Variants in PCSK2 observed in about 807,000 individuals in gnomAD.
PCSK2 encodes the protein proprotein convertase subtilisin/kexin type 2, also known as neuroendocrine convertase 2.
Under a neutral mutation model 69.7 loss-of-function variants are expected in PCSK2, and 14 were observed. The ratio of observed to expected loss-of-function variants is 0.20; its 90% CI spans 0.13 to 0.31. The LOEUF is 0.31. Among genes scored for constraint, PCSK2 ranks in the 10% least tolerant of loss-of-function variants. The pLI is 1.00. For missense variants in PCSK2, 544 were observed against 842.5 expected (o/e 0.65, Z 4.39); for synonymous variants, 307 against 320.7 (o/e 0.96, Z 0.46).
At chr20:17,284,240 G>A (rs1988433950) in intron 2 of PCSK2, among the ~76,000 whole-genome samples, 1 of 152,202 alleles carries the variant, frequency 6.6e-6, no homozygotes, top group Non-Finnish European at 1.5e-5. Flanking sequence ...TCAAAGAGTA[G>A]CAGTCACATC....
intron 1 of PCSK2, among the ~76,000 whole-genome samples, chr20:17,233,121 T>C (rs566312459): frequency 2.0e-5 from 3 of 152,264 alleles, no homozygotes; most frequent in Non-Finnish European, 2.9e-5. Flanking sequence ...ACACCTCTTG[T>C]GGCTGAAGAA....
intron 2 of PCSK2, among the ~76,000 whole-genome samples, chr20:17,295,347 GT>G (rs2123074898): frequency 6.6e-6 from 1 of 152,058 alleles, no homozygotes; most frequent in Non-Finnish European, 1.5e-5. Context: ...AACCCAGACA[GT>G]CTGATTCAGA....
chr20:17,313,403 G>C (rs1346618253), intron 2 of PCSK2, among the ~76,000 whole-genome samples: 4 of 151,868 alleles, frequency 2.6e-5, no homozygotes, highest in South Asian at 4.2e-4. Flanking sequence ...TGCTGCTCCT[G>C]ACCTCCATCA....
At chr20:17,248,850 T>C (rs1245829508) in intron 1 of PCSK2, among the ~76,000 whole-genome samples, 1 of 152,140 alleles carries the variant, frequency 6.6e-6, no homozygotes, top group East Asian at 1.9e-4. Context: ...TTCCTAGTCA[T>C]GGTTACAAAG....
chr20:17,437,234 G>A (rs1404065701), intron 8 of PCSK2, among the ~76,000 whole-genome samples: 1 of 152,216 alleles, frequency 6.6e-6, no homozygotes, highest in Non-Finnish European at 1.5e-5. Flanking sequence ...CCACTCAGTC[G>A]TTGGCTGGCA....
chr20:17,385,139 A>G (rs949326751), intron 5 of PCSK2, among the ~76,000 whole-genome samples: 5 of 152,184 alleles, frequency 3.3e-5, no homozygotes, highest in Non-Finnish European at 7.3e-5. Context: ...AGTAGTTGTG[A>G]CAAAGTCCAT....
At chr20:17,429,327 T>C (rs145689606) in intron 6 of PCSK2, 108 bp from the exon 7 acceptor site, 8,724 of 785,630 alleles carry the variant, frequency 0.011, 75 homozygotes, top group South Asian at 0.018. Context: ...TTTACTTGTA[T>C]ATGATACGCA....
chr20:17,275,675 A>C (rs374905294), intron 2 of PCSK2, among the ~76,000 whole-genome samples: 4 of 152,272 alleles, frequency 2.6e-5, no homozygotes, highest in African/African-American at 7.2e-5. Context: ...TAAATAGGAA[A>C]TACATTGGAT....
At chr20:17,400,534 C>A (rs6131943) in intron 5 of PCSK2, among the ~76,000 whole-genome samples, 2 of 151,920 alleles carry the variant, frequency 1.3e-5, no homozygotes, top group East Asian at 3.9e-4. Context: ...ATACAAAATA[C>A]GCACTCCATA....
chr20:17,374,734 C>A (rs755545395), intron 5 of PCSK2, among the ~76,000 whole-genome samples: 1 of 152,102 alleles, frequency 6.6e-6, no homozygotes, highest in African/African-American at 2.4e-5. Context: ...CAGTGTGGAC[C>A]GAGTGGGCCT....
chr20:17,460,285 G>T (rs4306770), intron 10 of PCSK2, among the ~76,000 whole-genome samples: 1 of 152,128 alleles, frequency 6.6e-6, no homozygotes, highest in Non-Finnish European at 1.5e-5. Context: ...AAGAAAGAAA[G>T]AAAAGAAAGA....
In PCSK2 at chr20:17,431,681, C is replaced by T. The variant is rs77552849; in HGVS notation, c.709+2158C>T. ...GGGCTGCGAGGCTCCAGTCCCATGC[C>T]TGTGCCTTAGGGAACCCAGTGTCCT... is the stretch of plus-strand genomic sequence containing the variant. On this transcript the variant is annotated intron_variant, in intron 7 of 11. Transcript: ENST00000262545. Among the ~76,000 whole-genome samples the T allele has an allele frequency of 4.5e-3, 687 of 152,342 alleles. 17 individuals carry two copies. Among genetic ancestry groups the T allele is most frequent in the East Asian group, 0.033 (172 of 5,192 alleles).
intron 2 of PCSK2, among the ~76,000 whole-genome samples, chr20:17,337,928 C>CAAA (rs3076245): frequency 7.4e-4 from 96 of 129,832 alleles, no homozygotes; most frequent in South Asian, 3.4e-3. Context: ...AAACCCATCT[C>CAAA]AAAAAAAAAA....
chr20:17,470,140 C>T (rs2033175814), intron 11 of PCSK2, among the ~76,000 whole-genome samples: 2 of 152,328 alleles, frequency 1.3e-5, no homozygotes, highest in South Asian at 4.1e-4. Flanking sequence ...GCGTTGACAA[C>T]TGTTTCCCTT....
intron 1 of PCSK2, among the ~76,000 whole-genome samples, chr20:17,245,776 T>C (rs915175648): frequency 1.3e-5 from 2 of 152,202 alleles, no homozygotes; most frequent in South Asian, 2.1e-4. Context: ...ACAAGTGCAA[T>C]GTGCATCACT....
chr20:17,294,350 C>T (rs964373731), intron 2 of PCSK2, among the ~76,000 whole-genome samples: 2 of 152,074 alleles, frequency 1.3e-5, no homozygotes, highest in Non-Finnish European at 2.9e-5. Flanking sequence ...TCGTGATCCA[C>T]CCGCCTCGGC....
intron 2 of PCSK2, among the ~76,000 whole-genome samples, chr20:17,353,266 T>TC (rs1416030704): frequency 6.7e-6 from 1 of 150,034 alleles, no homozygotes; most frequent in Non-Finnish European, 1.5e-5. Flanking sequence ...ATTGAGACCA[T>TC]CCTGGCCAAC....
intron 2 of PCSK2, among the ~76,000 whole-genome samples, chr20:17,293,543 T>C (rs1988767889): frequency 6.6e-6 from 1 of 152,230 alleles, no homozygotes; most frequent in African/African-American, 2.4e-5. Context: ...TTATCAACTA[T>C]ATCAAGTATA....
intron 11 of PCSK2, among the ~76,000 whole-genome samples, chr20:17,472,649 C>T (rs902229570): frequency 6.6e-6 from 1 of 152,222 alleles, no homozygotes. Flanking sequence ...TCACTACAAC[C>T]TCCACTGCCC....
Sources: allele counts gnomAD v4.1 joint callset (sites outside exome capture counted in the v4.1 genomes callset), GRCh38; gene constraint gnomAD v4.1.1; transcripts MANE v1.5; gene names NCBI Gene and HGNC (gene_info 2026-07-23, HGNC 2026-07-21).